The following NOVA1 variants were observed in gnomAD, a reference collection of about 807,000 sequenced individuals.
The protein encoded by NOVA1 is NOVA alternative splicing regulator 1, also known as RNA-binding protein Nova-1.
NOVA1 carries 7 observed loss-of-function variants against 38.0 expected under a neutral mutation model. The ratio of observed to expected loss-of-function variants is 0.18; its 90% CI spans 0.10 to 0.35. The LOEUF (loss-of-function observed/expected upper bound fraction) is 0.35, where lower values mean the gene tolerates loss of function less well. NOVA1 is among the 10% of genes least tolerant of loss of function. The probability of loss-of-function intolerance (pLI) is 1.00; values close to 1 mark genes in which losing one functional copy is unlikely to be tolerated. For synonymous variants in NOVA1, 270 were observed against 232.5 expected (o/e 1.16, Z -1.47); for missense variants, 460 against 616.0 (o/e 0.75, Z 2.68).
At chr14:26,488,929 C>T (rs572151330) in intron 2 of NOVA1, among the ~76,000 whole-genome samples, 1 of 152,020 alleles carries the variant, frequency 6.6e-6, no homozygotes, top group African/African-American at 2.4e-5. Flanking sequence ...TATCACATGT[C>T]CCAGCTGGGA....
rs147938317 is a variant in NOVA1 at position 26,576,803 on chromosome 14, T to G, written c.280+18607A>C. Among the ~76,000 whole-genome samples, 37 of 152,052 alleles carry G rather than the reference T, an allele frequency of 2.4e-4. No individual in the cohort carries two copies. In the East Asian group the frequency reaches 7.0e-3, roughly 29 times the overall value. On this transcript the variant is annotated intron_variant, in intron 2 of 4. Transcript: ENST00000539517. Reference sequence around the variant, plus strand: ...CATGATGTTTTGATACGCATATACATAGTGAAATGATTACTACAGTCAGAT... The same window carrying G: ...CATGATGTTTTGATACGCATATACAGAGTGAAATGATTACTACAGTCAGAT...
chr14:26,516,533 T>A (rs1455143684), intron 2 of NOVA1, among the ~76,000 whole-genome samples: 1 of 152,182 alleles, frequency 6.6e-6, no homozygotes, highest in Non-Finnish European at 1.5e-5. Context: ...TGTGACTGAT[T>A]TTTGAGAACA....
intron 2 of NOVA1, among the ~76,000 whole-genome samples, chr14:26,505,498 T>C (rs555960265): frequency 6.6e-6 from 1 of 152,228 alleles, no homozygotes; most frequent in Admixed American, 6.5e-5. Flanking sequence ...TCCCCAGCCA[T>C]GTGGAACTGT....
intron 2 of NOVA1, among the ~76,000 whole-genome samples, chr14:26,591,771 C>T (rs900089256): frequency 1.4e-4 from 21 of 151,450 alleles, no homozygotes; most frequent in African/African-American, 5.1e-4. Context: ...ATTTCACTTA[C>T]ATTCTGCTCT....
intron 2 of NOVA1, 133 bp downstream of exon 2, chr14:26,595,277 T>A: frequency 1.2e-6 from 1 of 821,746 alleles, no homozygotes; most frequent in East Asian, 2.6e-5. Flanking sequence ...TTCCACAATA[T>A]ATTCCTATAA....
At chr14:26,574,531 C>G (rs951032761) in intron 2 of NOVA1, among the ~76,000 whole-genome samples, 2 of 151,946 alleles carry the variant, frequency 1.3e-5, no homozygotes, top group Non-Finnish European at 2.9e-5. Context: ...TAATGTAAAA[C>G]AGTATTTTAT....
chr14:26,478,234 T>G, intron 3 of NOVA1, among the ~76,000 whole-genome samples: 1 of 151,992 alleles, frequency 6.6e-6, no homozygotes, highest in Non-Finnish European at 1.5e-5. Flanking sequence ...TACTGCCATA[T>G]AGCAAATTAG....
chr14:26,500,513 AAG>A (rs1887175020), intron 2 of NOVA1, among the ~76,000 whole-genome samples: 1 of 152,020 alleles, frequency 6.6e-6, no homozygotes, highest in African/African-American at 2.4e-5. Flanking sequence ...AGAAAAAAAA[AAG>A]AGAAACAAAA....
rs189825234 is a variant in NOVA1 at position 26,443,317 on chromosome 14, C to T, written c.*4642G>A. The stretch of plus-strand genomic sequence containing the variant: ...ATTTAAAAAAAATTCGGCACATACA[C>T]GTTAAATATTTTTCCTTAAAAAAAT... On this transcript the variant is annotated 3_prime_UTR_variant, in exon 5 of 5. Transcript: ENST00000539517. 7.2e-5 allele frequency: 11 copies of T among 151,814 alleles called. No homozygotes were observed. In the East Asian group the frequency reaches 2.1e-3, roughly 29 times the overall value. The allele number at this position is 151,814 out of a possible 1,614,324, so 9.4% of individuals were successfully genotyped here.
intron 2 of NOVA1, among the ~76,000 whole-genome samples, chr14:26,481,545 T>C (rs1174654230): frequency 1.3e-5 from 2 of 152,036 alleles, no homozygotes; most frequent in African/African-American, 4.8e-5. Context: ...CTAAATAAAA[T>C]TGTCATATTT....
intron 2 of NOVA1, among the ~76,000 whole-genome samples, chr14:26,578,051 T>C (rs575620797): frequency 6.8e-6 from 1 of 146,790 alleles, no homozygotes; most frequent in Non-Finnish European, 1.5e-5. Flanking sequence ...GAGATAAAGG[T>C]GTACCAGAAG....
chr14:26,552,933 G>A (rs905664576), intron 2 of NOVA1, among the ~76,000 whole-genome samples: 1 of 152,170 alleles, frequency 6.6e-6, no homozygotes, highest in African/African-American at 2.4e-5. Context: ...ATAGGAACAT[G>A]CGATCAAAAA....
chr14:26,510,318 T>C (rs1474357466), intron 2 of NOVA1, among the ~76,000 whole-genome samples: 1 of 152,170 alleles, frequency 6.6e-6, no homozygotes, highest in Non-Finnish European at 1.5e-5. Flanking sequence ...TTATTGTTTA[T>C]AGAATGTTAA....
At chr14:26,556,421 T>C (rs1421357912) in intron 2 of NOVA1, among the ~76,000 whole-genome samples, 2 of 152,052 alleles carry the variant, frequency 1.3e-5, no homozygotes, top group East Asian at 1.9e-4. Flanking sequence ...TTTCAGCAAA[T>C]AGTGTTGGAA....
chr14:26,519,964 G>T (rs1166778830), intron 2 of NOVA1, among the ~76,000 whole-genome samples: 1 of 152,096 alleles, frequency 6.6e-6, no homozygotes, highest in Non-Finnish European at 1.5e-5. Context: ...CATTATTCAA[G>T]GTAGTTATGA....
Position 26,447,880 on chromosome 14 carries a change from C to A in NOVA1, c.*79G>T, listed in dbSNP as rs1882209120. On this transcript the variant is annotated 3_prime_UTR_variant, in exon 5 of 5. Coordinates refer to ENST00000539517, the MANE Select transcript of NOVA1 (RefSeq NM_002515.3). ...ATATATTAATAACAGAAAAACTTCA[C>A]TTCTGCAAAGTACAGTACATCCTTC... 3.5e-6 allele frequency: 4 copies of A among 1,151,910 alleles called. No homozygotes were observed. The highest frequency in any genetic ancestry group is 2.8e-5 in the South Asian group (2 of 70,982). The allele number at this position is 1,151,910 out of a possible 1,614,324, so 71.4% of individuals were successfully genotyped here.
chr14:26,515,830 C>A (rs73599996), intron 2 of NOVA1, among the ~76,000 whole-genome samples: 7,272 of 152,020 alleles, frequency 0.048, 531 homozygotes, highest in African/African-American at 0.16. Flanking sequence ...TACATTCATA[C>A]ATTTCTACAA....
At chr14:26,586,681 G>A (rs1040329958) in intron 2 of NOVA1, among the ~76,000 whole-genome samples, 1 of 150,920 alleles carries the variant, frequency 6.6e-6, no homozygotes, top group Admixed American at 6.6e-5. Flanking sequence ...AAATAACAAT[G>A]CTGCAGAAAT....
At chr14:26,467,862 A>G (rs1360580413) in intron 4 of NOVA1, among the ~76,000 whole-genome samples, 1 of 152,164 alleles carries the variant, frequency 6.6e-6, no homozygotes, top group Non-Finnish European at 1.5e-5. Flanking sequence ...AAAGGAAGTA[A>G]GGTCATTAGC....
Sources: allele counts gnomAD v4.1 joint callset (sites outside exome capture counted in the v4.1 genomes callset), GRCh38; gene constraint gnomAD v4.1.1; transcripts MANE v1.5; gene names NCBI Gene and HGNC (gene_info 2026-07-23, HGNC 2026-07-21).